Variants in P2RX3 observed in about 807,000 individuals in gnomAD.
P2RX3 encodes the protein purinergic receptor P2X 3.
In P2RX3, 41 loss-of-function variants were observed where a neutral mutation model predicts 51.5. The observed-to-expected ratio is 0.80, with a 90% CI of 0.62 to 1.03. The LOEUF (loss-of-function observed/expected upper bound fraction) is 1.03, where lower values mean the gene tolerates loss of function less well. P2RX3 is among the 50% of genes least tolerant of loss of function. P2RX3 has a pLI of 0.00. For synonymous variants in P2RX3, 185 were observed against 191.6 expected, an observed-to-expected ratio of 0.97 and a Z score of 0.29; for missense variants, 459 against 522.1, an observed-to-expected ratio of 0.88 and a Z score of 1.18.
At chr11:57,351,282 G>A (rs1590629994) in intron 8 of P2RX3, among the ~76,000 whole-genome samples, 1 of 152,258 alleles carries the variant, frequency 6.6e-6, no homozygotes, top group East Asian at 1.9e-4. Context: ...ATTTTCTAAG[G>A]TTTCTCGCTC....
At chr11:57,358,348 C>A (rs765036538) in intron 8 of P2RX3, among the ~76,000 whole-genome samples, 1 of 152,146 alleles carries the variant, frequency 6.6e-6, no homozygotes, top group Non-Finnish European at 1.5e-5. Context: ...ACATGCTGGG[C>A]TTTGTGGCGA....
chr11:57,356,308 A>G (rs1163275275), intron 8 of P2RX3, among the ~76,000 whole-genome samples: 2 of 152,234 alleles, frequency 1.3e-5, no homozygotes, highest in African/African-American at 4.8e-5. Context: ...AAATAGCTCT[A>G]AGAGATATAC....
At chr11:57,349,480 GCA>G (rs1856503377) in intron 6 of P2RX3, among the ~76,000 whole-genome samples, 2 of 151,378 alleles carry the variant, frequency 1.3e-5, no homozygotes, top group South Asian at 4.2e-4. Flanking sequence ...AAAAAAAAAT[GCA>G]CAGAGTAACC....
At chr11:57,347,563 A>G (rs1856462698) in intron 4 of P2RX3, 85 bp downstream of exon 4, 2 of 1,397,340 alleles carry the variant, frequency 1.4e-6, no homozygotes, top group Non-Finnish European at 2.0e-6. Flanking sequence ...AGGGAGTGGG[A>G]ACCAGCCTGT....
At chr11:57,362,777 A>T (rs542011279) in intron 8 of P2RX3, among the ~76,000 whole-genome samples, 1 of 152,308 alleles carries the variant, frequency 6.6e-6, no homozygotes, top group Admixed American at 6.5e-5. Flanking sequence ...TGGGAATAGC[A>T]ACAGTACTTA....
At chr11:57,350,733 G>T in intron 7 of P2RX3, 29 bp from the exon 8 acceptor site, 2 of 1,613,056 alleles carry the variant, frequency 1.2e-6, no homozygotes, top group South Asian at 2.2e-5. Flanking sequence ...AGGGCGAGGG[G>T]AAAGCTCATA....
rs138306969 is a variant in P2RX3, at chr11:57,340,935, T to C, written c.119+2266T>C. On this transcript the variant is annotated intron_variant, in intron 1 of 11. Coordinates refer to ENST00000263314, the MANE Select transcript of P2RX3 (RefSeq NM_002559.5). ...CAGGGGAAAGAAAAGAAGGTCATTGTGGCTGGAGCCGAGGGAGCAGAGATG... is the reference window on the plus strand; with the variant it reads ...CAGGGGAAAGAAAAGAAGGTCATTGCGGCTGGAGCCGAGGGAGCAGAGATG... Among the ~76,000 whole-genome samples, 156 of 152,332 alleles carry C rather than the reference T, an allele frequency of 1.0e-3. 3 individuals are homozygous for C. In the East Asian group the frequency reaches 0.029, roughly 28 times the overall value.
At chr11:57,366,768 G>T (rs1450591421) in intron 8 of P2RX3, among the ~76,000 whole-genome samples, 1 of 152,156 alleles carries the variant, frequency 6.6e-6, no homozygotes, top group Non-Finnish European at 1.5e-5. Context: ...CGGGCGCAGG[G>T]TGTCACATGG....
chr11:57,350,748 G>T lies in P2RX3; in HGVS notation c.706-14G>T, dbSNP rs367935220. 530 of 1,613,604 alleles carry T rather than the reference G, an allele frequency of 3.3e-4. No individual in the cohort carries two copies. The highest frequency in any genetic ancestry group is 4.4e-4 in the Non-Finnish European group (519 of 1,179,892). On this transcript the variant is annotated splice_polypyrimidine_tract_variant and intron_variant, in intron 7 of 11. Coordinates refer to ENST00000263314, the MANE Select transcript of P2RX3 (RefSeq NM_002559.5). ...AGGGCGAGGGGAAAGCTCATACCCG[G>T]CCCGTTTCTTCAGGGGGGAGTTCTG...
At chr11:57,366,758 C>T (rs527431628) in intron 8 of P2RX3, among the ~76,000 whole-genome samples, 3 of 152,282 alleles carry the variant, frequency 2.0e-5, no homozygotes, top group Non-Finnish European at 4.4e-5. Flanking sequence ...ACTGCAGTCT[C>T]GGGCGCAGGG....
chr11:57,360,136 G>A (rs1220526426), intron 8 of P2RX3, among the ~76,000 whole-genome samples: 1 of 152,176 alleles, frequency 6.6e-6, no homozygotes, highest in African/African-American at 2.4e-5. Flanking sequence ...CAACAGGTGT[G>A]GAAGCCTCTA....
intron 8 of P2RX3, among the ~76,000 whole-genome samples, chr11:57,355,182 CTG>C (rs1459579262): frequency 6.6e-6 from 1 of 152,218 alleles, no homozygotes; most frequent in Non-Finnish European, 1.5e-5. Context: ...CAACTTTCAT[CTG>C]TGAAATTACA....
chr11:57,362,293 T>A (rs554866818), intron 8 of P2RX3, among the ~76,000 whole-genome samples: 1 of 152,134 alleles, frequency 6.6e-6, no homozygotes, highest in Non-Finnish European at 1.5e-5. Context: ...ATAAGGCAGG[T>A]GGACTGGGCC....
At chr11:57,350,712 C>T (rs1856530438) in intron 7 of P2RX3, 50 bp from the exon 8 acceptor site, 1 of 1,604,332 alleles carries the variant, frequency 6.2e-7, no homozygotes. Context: ...TGGCCCAGAG[C>T]AGGGAGTCAG....
chr11:57,342,316 C>A (rs34761603), intron 1 of P2RX3, among the ~76,000 whole-genome samples: 1 of 151,880 alleles, frequency 6.6e-6, no homozygotes, highest in East Asian at 1.9e-4. Context: ...TGTGCCACGA[C>A]GCCCGGCTAA....
At position 57,369,912 on chromosome 11, in the gene P2RX3, C is replaced by T; in HGVS notation, c.1109C>T (p.Ala370Val). 6.2e-7 allele frequency: 1 copy of T among 1,614,062 alleles called. No homozygotes were observed. Among genetic ancestry groups the T allele is most frequent in the Non-Finnish European group, 8.5e-7 (1 of 1,179,966 alleles). ...AATGAGACTACGCTGAAAATCGCGG[C>T]TTTGACCAACCCAGTGTACCCCAGC... ...EVNETTLKIA[A>V]LTNPVYPSDQ... The change falls in exon 12 of 12, where the codon GCT (alanine) becomes GTT (valine). Residue 370 changes from alanine (A) to valine (V), a missense_variant. Coordinates refer to ENST00000263314, the MANE Select transcript of P2RX3 (RefSeq NM_002559.5).
At chr11:57,355,490 G>A (rs914278484) in intron 8 of P2RX3, among the ~76,000 whole-genome samples, 11 of 151,824 alleles carry the variant, frequency 7.2e-5, no homozygotes, top group African/African-American at 2.2e-4. Context: ...ACAGGTGCCC[G>A]CCACCACGCC....
intron 8 of P2RX3, among the ~76,000 whole-genome samples, chr11:57,355,835 G>A (rs1425421875): frequency 6.6e-6 from 1 of 152,074 alleles, no homozygotes; most frequent in Non-Finnish European, 1.5e-5. Context: ...TTATATTTAT[G>A]CAGCATAAAA....
Position 57,371,317 on chromosome 11 carries a change from C to T in P2RX3, c.*1320C>T, listed in dbSNP as rs1387693858. ...AAGCATATACAATTTGGGGGCATCT[C>T]TTTAGAAAGAATACAAAATTAGGTA... On this transcript the variant is annotated 3_prime_UTR_variant, in exon 12 of 12. Coordinates refer to ENST00000263314, the MANE Select transcript of P2RX3 (RefSeq NM_002559.5). Among the ~76,000 whole-genome samples the T allele has an allele frequency of 6.6e-6, 1 of 152,230 alleles. No individual in the cohort carries two copies. The highest frequency in any genetic ancestry group is 1.5e-5 in the Non-Finnish European group (1 of 68,040).
Sources: gnomAD v4.1 joint callset for allele counts (sites outside exome capture counted in the v4.1 genomes callset) on GRCh38, gnomAD v4.1.1 for gene constraint, MANE v1.5 for transcripts, NCBI Gene and HGNC (gene_info 2026-07-23, HGNC 2026-07-21) for gene names.